The following FBXL17 variants were observed in gnomAD, a reference collection of about 807,000 sequenced individuals.
The protein encoded by FBXL17 is F-box and leucine rich repeat protein 17, also known as F-box/LRR-repeat protein 17.
FBXL17 carries 22 observed loss-of-function variants against 66.2 expected under a neutral mutation model. The observed-to-expected ratio is 0.33, with a 90% CI of 0.24 to 0.47. FBXL17 has a LOEUF of 0.47. Among genes scored for constraint, FBXL17 ranks in the 20% least tolerant of loss-of-function variants. FBXL17 has a pLI of 1.00. For missense variants in FBXL17, 878 were observed against 948.2 expected, an observed-to-expected ratio of 0.93 and a Z score of 0.97; for synonymous variants, 474 against 400.5, an observed-to-expected ratio of 1.18 and a Z score of -2.19.
At chr5:108,161,768 C>T (rs1752228327) in intron 6 of FBXL17, among the ~76,000 whole-genome samples, 1 of 152,092 alleles carries the variant, frequency 6.6e-6, no homozygotes, top group African/African-American at 2.4e-5. Context: ...GTTAGTAGTT[C>T]CTAAAAGTAA....
intron 7 of FBXL17, among the ~76,000 whole-genome samples, chr5:107,952,918 C>T (rs10063386): frequency 0.53 from 80,815 of 151,894 alleles, 21,861 homozygotes; most frequent in East Asian, 0.62. Context: ...AATTTACATT[C>T]AAAACTACAG....
intron 6 of FBXL17, among the ~76,000 whole-genome samples, chr5:108,074,719 G>A (rs147102161): frequency 6.6e-6 from 1 of 152,262 alleles, no homozygotes; most frequent in African/African-American, 2.4e-5. Flanking sequence ...CTAAAACTCT[G>A]CTCTCTTTTG....
chr5:107,874,319 T>C (rs959057617), intron 8 of FBXL17, among the ~76,000 whole-genome samples: 6 of 152,346 alleles, frequency 3.9e-5, no homozygotes, highest in African/African-American at 1.2e-4. Context: ...ATATACCAGA[T>C]ACAAGATTCC....
chr5:108,219,600 T>C (rs906948221), intron 5 of FBXL17, among the ~76,000 whole-genome samples: 4 of 151,990 alleles, frequency 2.6e-5, no homozygotes, highest in African/African-American at 9.7e-5. Flanking sequence ...GGCAGGAGAA[T>C]TGCTTGAACC....
At chr5:108,072,749 G>A (rs886793943) in intron 6 of FBXL17, among the ~76,000 whole-genome samples, 2 of 152,028 alleles carry the variant, frequency 1.3e-5, no homozygotes, top group South Asian at 2.1e-4. Flanking sequence ...ACCATATCTT[G>A]ACTTCAACCA....
At chr5:107,936,388 A>C (rs1750909469) in intron 7 of FBXL17, among the ~76,000 whole-genome samples, 1 of 151,992 alleles carries the variant, frequency 6.6e-6, no homozygotes, top group African/African-American at 2.4e-5. Context: ...ATTTACTGTT[A>C]AATGGGGTCA....
At chr5:107,950,693 T>C (rs752153851) in intron 7 of FBXL17, among the ~76,000 whole-genome samples, 1 of 152,196 alleles carries the variant, frequency 6.6e-6, no homozygotes, top group Non-Finnish European at 1.5e-5. Flanking sequence ...GGGTGAGATA[T>C]AATTTCCCTA....
intron 4 of FBXL17, chr5:108,299,161 A>G: frequency 1.0e-6 from 1 of 981,316 alleles, no homozygotes; most frequent in Non-Finnish European, 1.2e-6. Flanking sequence ...GATTCTATCA[A>G]GTTTGTTTTT....
chr5:108,126,126 A>G (rs191324681), intron 6 of FBXL17, among the ~76,000 whole-genome samples: 9 of 152,258 alleles, frequency 5.9e-5, no homozygotes, highest in African/African-American at 2.2e-4. Context: ...CCAGCTGTAG[A>G]CTAGAGATAG....
chr5:107,873,208 C>T (rs1748512617), intron 8 of FBXL17, among the ~76,000 whole-genome samples: 1 of 152,216 alleles, frequency 6.6e-6, no homozygotes, highest in Non-Finnish European at 1.5e-5. Context: ...GCTCTTTGTT[C>T]AGAAGAAGCA....
intron 6 of FBXL17, among the ~76,000 whole-genome samples, chr5:108,135,230 T>C (rs1192923783): frequency 6.6e-6 from 1 of 152,116 alleles, no homozygotes; most frequent in African/African-American, 2.4e-5. Flanking sequence ...GAAAAAAAGC[T>C]GGTGGTAGTT....
intron 5 of FBXL17, among the ~76,000 whole-genome samples, chr5:108,212,425 A>G (rs1754415591): frequency 6.6e-6 from 1 of 152,024 alleles, no homozygotes; most frequent in South Asian, 2.1e-4. Flanking sequence ...TGGTTTTTGG[A>G]ATTTTCAGCC....
chr5:108,170,098 A>C (rs945571332), intron 6 of FBXL17, among the ~76,000 whole-genome samples: 1 of 152,240 alleles, frequency 6.6e-6, no homozygotes, highest in African/African-American at 2.4e-5. Context: ...ATTTATGTGC[A>C]TGTGTGCACA....
At chr5:108,018,950 A>G (rs967434006) in intron 7 of FBXL17, among the ~76,000 whole-genome samples, 1 of 152,210 alleles carries the variant, frequency 6.6e-6, no homozygotes, top group Non-Finnish European at 1.5e-5. Context: ...TCTAATGTGC[A>G]GACAGGGTTG....
At chr5:108,147,673 T>C (rs544372394) in intron 6 of FBXL17, among the ~76,000 whole-genome samples, 2 of 152,114 alleles carry the variant, frequency 1.3e-5, no homozygotes, top group Non-Finnish European at 2.9e-5. Context: ...TGTTGACAAA[T>C]GATGAACACC....
intron 7 of FBXL17, among the ~76,000 whole-genome samples, chr5:108,002,291 T>C (rs945325675): frequency 4.7e-5 from 7 of 150,350 alleles, no homozygotes; most frequent in African/African-American, 1.7e-4. Context: ...CCCAAAATGC[T>C]GGGATTACAG....
intron 7 of FBXL17, among the ~76,000 whole-genome samples, chr5:107,950,777 G>A (rs1017440238): frequency 2.0e-5 from 3 of 152,308 alleles, no homozygotes; most frequent in South Asian, 2.1e-4. Flanking sequence ...GAAAGTTTGT[G>A]TCTAAATCCG....
intron 6 of FBXL17, among the ~76,000 whole-genome samples, chr5:108,120,098 T>G (rs1204735521): frequency 6.6e-6 from 1 of 152,198 alleles, no homozygotes; most frequent in Non-Finnish European, 1.5e-5. Context: ...GAAACTGGCT[T>G]GAGAACAGCA....
At chr5:107,925,550 T>A (rs934748954) in intron 7 of FBXL17, among the ~76,000 whole-genome samples, 3 of 152,220 alleles carry the variant, frequency 2.0e-5, no homozygotes, top group African/African-American at 7.2e-5. Context: ...CACAGAATTA[T>A]CTGCCCAAGA....
Sources: gnomAD v4.1 joint callset for allele counts (sites outside exome capture counted in the v4.1 genomes callset) on GRCh38, gnomAD v4.1.1 for gene constraint, MANE v1.5 for transcripts, NCBI Gene and HGNC (gene_info 2026-07-23, HGNC 2026-07-21) for gene names.